Variants in NTM observed in about 807,000 individuals in gnomAD.
The protein encoded by NTM is IgLON family member 2.
In NTM, 13 loss-of-function variants were observed where a neutral mutation model predicts 42.1. That is an observed-to-expected ratio of 0.31 (90% confidence interval 0.20 to 0.49). NTM has a LOEUF of 0.49. NTM is among the 20% of genes least tolerant of loss of function. NTM has a pLI of 0.99. For missense variants in NTM, 373 were observed against 452.8 expected (o/e 0.82, Z 1.60); for synonymous variants, 187 against 179.2 (o/e 1.04, Z -0.35).
chr11:132,335,520 G>A lies in NTM; in HGVS notation c.*374G>A. 4.4e-6 allele frequency: 1 copy of A among 228,302 alleles called. No homozygotes were observed. Among genetic ancestry groups the A allele is most frequent in the Non-Finnish European group, 8.7e-6 (1 of 115,480 alleles). 14.1% of individuals were successfully genotyped at this position (228,302 alleles called of 1,614,324 possible). A position where few individuals can be genotyped will look rare whatever the true frequency, so the allele number is the denominator to read the frequency against. On this transcript the variant is annotated 3_prime_UTR_variant, in exon 9 of 9. Transcript: ENST00000683400. ...CCCCACGTGGAACATTCTGGAGCTG[G>A]CCATCCCAAATTCAATCAGTCCATA... is the stretch of plus-strand genomic sequence containing the variant.
chr11:131,743,000 G>A (rs1056919402), intron 1 of NTM, among the ~76,000 whole-genome samples: 1 of 152,160 alleles, frequency 6.6e-6, no homozygotes, highest in Non-Finnish European at 1.5e-5. Context: ...ATGCATTTAT[G>A]TCAACCACCT....
At chr11:132,091,724 C>A (rs1413469871) in intron 2 of NTM, among the ~76,000 whole-genome samples, 3 of 152,064 alleles carry the variant, frequency 2.0e-5, no homozygotes, top group Admixed American at 6.6e-5. Flanking sequence ...TCAAGCAGTC[C>A]TCCTGCCTCA....
chr11:131,478,334 G>A (rs1953178853), intron 1 of NTM, among the ~76,000 whole-genome samples: 1 of 152,112 alleles, frequency 6.6e-6, no homozygotes, highest in Non-Finnish European at 1.5e-5. Flanking sequence ...CCCCTACAGG[G>A]CACACATCAG....
At chr11:131,569,125 G>T (rs1210015161) in intron 1 of NTM, among the ~76,000 whole-genome samples, 1 of 150,614 alleles carries the variant, frequency 6.6e-6, no homozygotes, top group East Asian at 2.0e-4. Context: ...TCTTTTTATT[G>T]CTGTTTTTGT....
chr11:131,657,151 A>C (rs1214657772), intron 1 of NTM, among the ~76,000 whole-genome samples: 2 of 130,290 alleles, frequency 1.5e-5, no homozygotes, highest in Admixed American at 7.2e-5. Context: ...AGACCAGCCC[A>C]AAAAAAAAAA....
At chr11:132,092,421 A>C (rs1209001943) in intron 2 of NTM, among the ~76,000 whole-genome samples, 1 of 152,126 alleles carries the variant, frequency 6.6e-6, no homozygotes, top group Non-Finnish European at 1.5e-5. Context: ...GGAACTTTGC[A>C]CTTGACCCAC....
intron 1 of NTM, among the ~76,000 whole-genome samples, chr11:131,387,785 A>C (rs1284476411): frequency 6.6e-6 from 1 of 152,280 alleles, no homozygotes; most frequent in East Asian, 1.9e-4. Flanking sequence ...AAAAGAAAAT[A>C]CATCTGAAAC....
At chr11:132,084,149 A>G (rs1342746098) in intron 2 of NTM, among the ~76,000 whole-genome samples, 1 of 152,098 alleles carries the variant, frequency 6.6e-6, no homozygotes, top group East Asian at 1.9e-4. Context: ...ACTGCATTTG[A>G]CAGCACCTGT....
chr11:131,844,171 A>C (rs2136711011), intron 1 of NTM, among the ~76,000 whole-genome samples: 1 of 152,242 alleles, frequency 6.6e-6, no homozygotes, highest in Non-Finnish European at 1.5e-5. Context: ...TGCTGTTGGT[A>C]TTTAGCTTTT....
chr11:132,295,893 A>G (rs1246276205), intron 4 of NTM, among the ~76,000 whole-genome samples: 3 of 152,218 alleles, frequency 2.0e-5, no homozygotes, highest in African/African-American at 7.2e-5. Flanking sequence ...AGACTCATAA[A>G]GAGGATATTG....
At chr11:132,015,939 G>T (rs768140120) in intron 2 of NTM, among the ~76,000 whole-genome samples, 13 of 151,824 alleles carry the variant, frequency 8.6e-5, no homozygotes, top group Non-Finnish European at 1.8e-4. Context: ...CTCTGGCTAG[G>T]ACTTGCAGCA....
intron 1 of NTM, among the ~76,000 whole-genome samples, chr11:131,874,566 TG>T (rs1189378035): frequency 6.6e-6 from 1 of 152,182 alleles, no homozygotes; most frequent in Non-Finnish European, 1.5e-5. Context: ...GTTTTGAGGG[TG>T]GTAGTTAAAC....
At chr11:131,529,719 T>A (rs986644654) in intron 1 of NTM, among the ~76,000 whole-genome samples, 1 of 152,132 alleles carries the variant, frequency 6.6e-6, no homozygotes, top group Non-Finnish European at 1.5e-5. Context: ...AAAGAAAGAC[T>A]GAAAAGCCTG....
In NTM at chr11:132,064,434, A is replaced by G. The variant is rs138596001; in HGVS notation, c.168-81848A>G. Among the ~76,000 whole-genome samples, 636 of 152,298 alleles carry G rather than the reference A, an allele frequency of 4.2e-3. 5 individuals carry two copies. Among genetic ancestry groups the G allele is most frequent in the African/African-American group, 0.015 (618 of 41,564 alleles). ...GTTAGGTACATGTTACATGCATTGA[A>G]ATATGGAATATATGTCAAACCCAAT... On this transcript the variant is annotated intron_variant, in intron 2 of 8. Coordinates refer to ENST00000683400, the MANE Select transcript of NTM (RefSeq NM_001352005.2).
intron 2 of NTM, among the ~76,000 whole-genome samples, chr11:132,069,670 C>T (rs1347026134): frequency 1.3e-5 from 2 of 149,706 alleles, no homozygotes; most frequent in Non-Finnish European, 3.0e-5. Flanking sequence ...ACACGTCACA[C>T]TGACCATCAC....
At chr11:131,982,745 C>T (rs368129191) in intron 2 of NTM, among the ~76,000 whole-genome samples, 47 of 152,272 alleles carry the variant, frequency 3.1e-4, no homozygotes, top group African/African-American at 1.1e-3. Flanking sequence ...CTGTGGTGCC[C>T]ACTGGCTTTA....
chr11:132,114,682 C>A (rs2136817598), intron 2 of NTM, among the ~76,000 whole-genome samples: 1 of 152,256 alleles, frequency 6.6e-6, no homozygotes, highest in Middle Eastern at 3.4e-3. Flanking sequence ...TAGGTTGTTT[C>A]TAGGGGGAAG....
chr11:131,905,315 A>AATGAATCCATGACTGC (rs1299031247), intron 1 of NTM, among the ~76,000 whole-genome samples: 105 of 152,180 alleles, frequency 6.9e-4, no homozygotes, highest in Non-Finnish European at 1.4e-3. Flanking sequence ...ATATGTACTG[A>AATGAATCCATGACTGC]ATGAATCCAT....
intron 1 of NTM, among the ~76,000 whole-genome samples, chr11:131,630,529 C>T (rs995445781): frequency 1.3e-5 from 2 of 152,208 alleles, no homozygotes; most frequent in Admixed American, 6.5e-5. Flanking sequence ...GGTGATCGGT[C>T]CCACAAAGTA....
Sources: gnomAD v4.1 joint callset for allele counts (sites outside exome capture counted in the v4.1 genomes callset) on GRCh38, gnomAD v4.1.1 for gene constraint, MANE v1.5 for transcripts, NCBI Gene and HGNC (gene_info 2026-07-23, HGNC 2026-07-21) for gene names.